The following TTC7B variants were observed in gnomAD, a reference collection of about 807,000 sequenced individuals.
The protein encoded by TTC7B is tetratricopeptide repeat domain 7B.
In TTC7B, 28 loss-of-function variants were observed where a neutral mutation model predicts 106.8. The ratio of observed to expected loss-of-function variants is 0.26; its 90% CI spans 0.19 to 0.36. TTC7B has a LOEUF of 0.36. Ranked by LOEUF, TTC7B falls within the 10% of genes least tolerant of loss-of-function variation. The pLI is 1.00. For missense variants in TTC7B, 862 were observed against 1,076.4 expected (o/e 0.80, Z 2.79); for synonymous variants, 405 against 430.6 (o/e 0.94, Z 0.74).
intron 6 of TTC7B, among the ~76,000 whole-genome samples, chr14:90,693,324 A>C (rs1409225679): frequency 6.6e-6 from 1 of 152,182 alleles, no homozygotes; most frequent in African/African-American, 2.4e-5. Context: ...AAGGATTAAA[A>C]AAAGAAAAGA....
In TTC7B at chr14:90,577,386, C is replaced by T. The variant is rs557358722; in HGVS notation, c.2310+720G>A. ...AACCCTCCTGAGCGAGCAGTGTCCC[C>T]ACCTAACTGAAACCGACACGGCCAG... On this transcript the variant is annotated intron_variant, in intron 19 of 19. Transcript: ENST00000328459. This position sits in a 1 kb window ranked among gnomAD's most constrained non-coding sequence, Gnocchi z 5.0. 6.6e-6 allele frequency among the ~76,000 whole-genome samples: 1 copy of T among 152,346 alleles called. No individual in the cohort carries two copies. The highest frequency in any genetic ancestry group is 2.1e-4 in the South Asian group (1 of 4,826).
intron 15 of TTC7B, among the ~76,000 whole-genome samples, chr14:90,636,200 A>C (rs944377776): frequency 6.6e-6 from 1 of 152,076 alleles, no homozygotes; most frequent in Non-Finnish European, 1.5e-5. Flanking sequence ...ATGTGTGTAT[A>C]CTCACACACA....
chr14:90,753,976 T>A (rs1595349671), intron 3 of TTC7B, among the ~76,000 whole-genome samples: 1 of 152,272 alleles, frequency 6.6e-6, no homozygotes, highest in Non-Finnish European at 1.5e-5. Flanking sequence ...CTTGAATTTA[T>A]GCTCTTTCAG....
At chr14:90,571,041 T>G (rs755639054) in intron 19 of TTC7B, among the ~76,000 whole-genome samples, 64 of 152,132 alleles carry the variant, frequency 4.2e-4, no homozygotes, top group Admixed American at 1.3e-3. Context: ...ACTTTCTTGT[T>G]CTGCTTCTGC....
chr14:90,728,835 G>A (rs1261441419), intron 5 of TTC7B, among the ~76,000 whole-genome samples: 1 of 152,266 alleles, frequency 6.6e-6, no homozygotes, highest in Admixed American at 6.5e-5. Flanking sequence ...AGGGCCGGGA[G>A]CTCCTCCGTG....
In TTC7B at chr14:90,780,815, A is replaced by G. The variant is rs768405562; in HGVS notation, c.368T>C (p.Val123Ala). The change falls in exon 3 of 20, where the codon GTG becomes GCG. Residue 123 changes from valine to alanine, a missense_variant. Coordinates refer to ENST00000328459, the MANE Select transcript of TTC7B (RefSeq NM_001010854.2). The stretch of plus-strand genomic sequence containing the variant: ...TGTCAGTGGCAGATCGTCCAGGCCC[A>G]CCCGGGCGTAAATGTTCAGAGCTTC... ...YKEALNIYAR[V>A]GLDDLPLTAV... 3.1e-6 allele frequency: 5 copies of G among 1,614,252 alleles called. No individual in the cohort carries two copies. In the Admixed American group the frequency reaches 8.3e-5, roughly 27 times the overall value.
At chr14:90,617,881 A>G (rs755654421) in intron 16 of TTC7B, 48 bp downstream of exon 16, 1 of 1,446,840 alleles carries the variant, frequency 6.9e-7, no homozygotes, top group Non-Finnish European at 9.7e-7. Flanking sequence ...ACTGATAGGC[A>G]GGGACCCATG....
At chr14:90,634,872 T>A (rs1487015123) in intron 15 of TTC7B, among the ~76,000 whole-genome samples, 1 of 152,090 alleles carries the variant, frequency 6.6e-6, no homozygotes, top group Admixed American at 6.5e-5. Flanking sequence ...ACCAATACAG[T>A]TTTAAACAGC....
intron 5 of TTC7B, among the ~76,000 whole-genome samples, chr14:90,728,216 G>A (rs571629538): frequency 1.3e-5 from 2 of 151,758 alleles, no homozygotes; most frequent in South Asian, 4.2e-4. Context: ...CCTGGCCCAG[G>A]GCTGGGAGTG....
intron 4 of TTC7B, among the ~76,000 whole-genome samples, chr14:90,737,215 CA>C (rs1359327422): frequency 1.3e-5 from 2 of 151,836 alleles, no homozygotes; most frequent in Non-Finnish European, 2.9e-5. Flanking sequence ...GATAAGCAGA[CA>C]AAAAAGGGTT....
intron 3 of TTC7B, among the ~76,000 whole-genome samples, chr14:90,749,406 T>C (rs1446369380): frequency 1.3e-5 from 1 of 76,876 alleles, no homozygotes; most frequent in African/African-American, 8.3e-5. Flanking sequence ...ATTTTTCTTT[T>C]TTTTTTTTTT....
intron 1 of TTC7B, among the ~76,000 whole-genome samples, chr14:90,787,812 G>A (rs1264472996): frequency 6.6e-6 from 1 of 152,090 alleles, no homozygotes; most frequent in African/African-American, 2.4e-5. Flanking sequence ...CAATTAACAC[G>A]AAAACAGGGC....
At position 90,528,079 on chromosome 14, in the gene TTC7B, T is replaced by G. The variant is rs1401935935; in HGVS notation, c.*13289A>C. ...TTCCGTATGTGATAAGGTTTCTCTC[T>G]GTGGATGACATAGCCATGGGGTCGC... On this transcript the variant is annotated 3_prime_UTR_variant, in exon 20 of 20. Transcript: ENST00000328459. 1.3e-5 allele frequency: 2 copies of G among 152,140 alleles called. No homozygotes were observed. The highest frequency in any genetic ancestry group is 1.3e-4 in the Admixed American group (2 of 15,278). 9.4% of individuals were successfully genotyped at this position (152,140 alleles called of 1,614,324 possible).
chr14:90,653,985 G>A (rs1313458216), intron 12 of TTC7B, among the ~76,000 whole-genome samples: 2 of 152,128 alleles, frequency 1.3e-5, no homozygotes, highest in Non-Finnish European at 2.9e-5. Flanking sequence ...ATGTGTATAT[G>A]GAAAATTAGC....
intron 9 of TTC7B, among the ~76,000 whole-genome samples, chr14:90,668,924 G>T (rs534964101): frequency 3.2e-5 from 4 of 125,554 alleles, no homozygotes; most frequent in Admixed American, 9.6e-5. Flanking sequence ...ACTGGAAAAA[G>T]AACAAAGTTA....
intron 1 of TTC7B, among the ~76,000 whole-genome samples, chr14:90,797,633 T>G (rs2029963766): frequency 6.6e-6 from 1 of 151,814 alleles, no homozygotes; most frequent in Non-Finnish European, 1.5e-5. Flanking sequence ...TTAGCATGAG[T>G]GTCTCCAGGG....
intron 18 of TTC7B, among the ~76,000 whole-genome samples, chr14:90,587,189 G>A (rs991665937): frequency 1.4e-4 from 21 of 152,234 alleles, no homozygotes; most frequent in Admixed American, 9.2e-4. Flanking sequence ...TGCCCAGGCC[G>A]GACTCAGGCA....
At chr14:90,774,404 C>T (rs1890958471) in intron 3 of TTC7B, among the ~76,000 whole-genome samples, 1 of 152,228 alleles carries the variant, frequency 6.6e-6, no homozygotes, top group Non-Finnish European at 1.5e-5. Flanking sequence ...AATGGATCTG[C>T]AGCATGGCTT....
intron 13 of TTC7B, among the ~76,000 whole-genome samples, chr14:90,651,884 T>A (rs1224361753): frequency 1.3e-5 from 2 of 151,762 alleles, no homozygotes; most frequent in African/African-American, 2.4e-5. Flanking sequence ...AAGGAAAGAG[T>A]CTAACGAAGC....
Sources: allele counts gnomAD v4.1 joint callset (sites outside exome capture counted in the v4.1 genomes callset), GRCh38; gene constraint gnomAD v4.1.1; non-coding constraint Gnocchi (gnomAD v3.1); transcripts MANE v1.5; gene names NCBI Gene and HGNC (gene_info 2026-07-23, HGNC 2026-07-21).